The following PCSK5 variants were observed in gnomAD, a reference collection of about 807,000 sequenced individuals.
The protein encoded by PCSK5 is prohormone convertase 5.
Under a neutral mutation model 233.2 loss-of-function variants are expected in PCSK5, and 129 were observed. The observed-to-expected ratio is 0.55, with a 90% CI of 0.48 to 0.64. The LOEUF (loss-of-function observed/expected upper bound fraction) is 0.64, where lower values mean the gene tolerates loss of function less well. Ranked by LOEUF, PCSK5 falls within the 30% of genes least tolerant of loss-of-function variation. The pLI, the probability that PCSK5 is intolerant of heterozygous loss-of-function variation, is 0.00. For synonymous variants in PCSK5, 825 were observed against 879.2 expected, an observed-to-expected ratio of 0.94 and a Z score of 1.09; for missense variants, 2,076 against 2,430.1, an observed-to-expected ratio of 0.85 and a Z score of 3.06.
chr9:76,310,172 C>T (rs537830328), intron 29 of PCSK5, among the ~76,000 whole-genome samples: 3 of 151,242 alleles, frequency 2.0e-5, no homozygotes, highest in South Asian at 4.2e-4. Flanking sequence ...CGCTTGAACC[C>T]GGGAGGCGGA....
intron 5 of PCSK5, among the ~76,000 whole-genome samples, chr9:76,046,155 C>CTTTTTTTTT (rs1829362984): frequency 1.1e-4 from 6 of 55,702 alleles, no homozygotes; most frequent in East Asian, 5.5e-4. Flanking sequence ...ATAATTTTTT[C>CTTTTTTTTT]TTTTGTTTTT....
At chr9:76,269,845 G>T (rs983638864) in intron 24 of PCSK5, among the ~76,000 whole-genome samples, 1 of 152,186 alleles carries the variant, frequency 6.6e-6, no homozygotes, top group Admixed American at 6.6e-5. Context: ...TAGAGCAATA[G>T]GCCAAGGCTC....
At chr9:76,263,459 C>A (rs559616160) in intron 24 of PCSK5, among the ~76,000 whole-genome samples, 1 of 152,014 alleles carries the variant, frequency 6.6e-6, no homozygotes, top group African/African-American at 2.4e-5. Context: ...TAAAAAATGA[C>A]GAGTTCGTGT....
intron 20 of PCSK5, among the ~76,000 whole-genome samples, chr9:76,199,093 A>G (rs1323104518): frequency 2.6e-5 from 4 of 152,212 alleles, no homozygotes; most frequent in African/African-American, 9.6e-5. Flanking sequence ...ACTTACAGCC[A>G]TTGTCACTTG....
At chr9:76,156,013 C>T (rs1295209260) in intron 10 of PCSK5, among the ~76,000 whole-genome samples, 2 of 152,084 alleles carry the variant, frequency 1.3e-5, no homozygotes, top group Non-Finnish European at 2.9e-5. Context: ...CTGAGCACAT[C>T]GCGACAATCA....
intron 5 of PCSK5, among the ~76,000 whole-genome samples, chr9:76,063,948 C>T (rs1388933294): frequency 2.1e-3 from 132 of 63,556 alleles, no homozygotes; most frequent in East Asian, 4.1e-3. Flanking sequence ...GGCGCCTGGC[C>T]GGGCGGAGGG....
intron 1 of PCSK5, among the ~76,000 whole-genome samples, chr9:75,891,820 T>C (rs1262021900): frequency 3.9e-5 from 6 of 151,952 alleles, no homozygotes; most frequent in Non-Finnish European, 8.8e-5. Flanking sequence ...GGAAAGCCTT[T>C]CCTGCTCGGA....
intron 20 of PCSK5, among the ~76,000 whole-genome samples, chr9:76,204,671 C>A (rs1024070103): frequency 1.3e-5 from 2 of 152,156 alleles, no homozygotes; most frequent in Non-Finnish European, 2.9e-5. Context: ...AGCATGAGGG[C>A]AGGAGTGCAT....
intron 5 of PCSK5, among the ~76,000 whole-genome samples, chr9:76,056,641 G>A (rs188634627): frequency 2.7e-4 from 41 of 152,330 alleles, no homozygotes; most frequent in African/African-American, 9.1e-4. Flanking sequence ...AAGAAAGGCA[G>A]TAGAACAAGG....
intron 1 of PCSK5, among the ~76,000 whole-genome samples, chr9:75,906,112 A>C (rs1353373529): frequency 1.3e-5 from 2 of 152,188 alleles, no homozygotes; most frequent in Non-Finnish European, 2.9e-5. Context: ...AAATTATTTC[A>C]AATTATGATA....
rs1452188026 is a variant in PCSK5, at chr9:76,023,803, C to G, written c.477C>G (p.Gly159=). 6.2e-7 allele frequency: 1 copy of G among 1,613,350 alleles called. No homozygotes were observed. The stretch of plus-strand genomic sequence containing the variant: ...ATATCGAAGGAGCCTGGAAGAGAGG[C>G]TACACGGGAAAGAACATTGTGGTCA... ...DMNIEGAWKR[G]YTGKNIVVTI... Residue 159 remains glycine, a synonymous_variant, in exon 4 of 38, where the codon GGC becomes GGG. Transcript: ENST00000674117.
chr9:76,295,516 G>A, intron 26 of PCSK5, 105 bp downstream of exon 26: 1 of 991,646 alleles, frequency 1.0e-6, no homozygotes, highest in South Asian at 1.6e-5. Context: ...GTCTGTGCGT[G>A]TGGGCACCTC....
At chr9:76,321,860 C>T (rs1806665) in intron 31 of PCSK5, among the ~76,000 whole-genome samples, 52,529 of 152,032 alleles carry the variant, frequency 0.35, 9,479 homozygotes, top group African/African-American at 0.43. Flanking sequence ...TTTGCATGAT[C>T]TCTTACACTC....
In PCSK5 at chr9:76,296,842, AG is replaced by A; in HGVS notation, c.3502del (p.Glu1168ArgfsTer18). 6.2e-7 allele frequency: 1 copy of A among 1,611,176 alleles called. No individual in the cohort carries two copies. The highest frequency in any genetic ancestry group is 8.5e-7 in the Non-Finnish European group (1 of 1,179,386). On this transcript the variant is annotated frameshift_variant, in exon 27 of 38. Coordinates refer to ENST00000674117, the MANE Select transcript of PCSK5 (RefSeq NM_001372043.1). LOFTEE classifies it high-confidence loss of function. ...RGMCVHATKT[Q>X]EEGKFWNEAV... ...ATGTGCGTGCATGCCACCAAGACCCAGGAGGAGGGCAAATTCTGGAATGGTA... is the reference window on the plus strand; with the variant it reads ...ATGTGCGTGCATGCCACCAAGACCCAGAGGAGGGCAAATTCTGGAATGGTA...
chr9:76,198,097 T>C (rs1272347894), intron 20 of PCSK5, among the ~76,000 whole-genome samples: 1 of 152,208 alleles, frequency 6.6e-6, no homozygotes, highest in East Asian at 1.9e-4. Context: ...CCTCACTACG[T>C]TTCAGCGGAC....
At chr9:75,915,858 T>C (rs1304770437) in intron 1 of PCSK5, among the ~76,000 whole-genome samples, 1 of 152,216 alleles carries the variant, frequency 6.6e-6, no homozygotes, top group Non-Finnish European at 1.5e-5. Context: ...CAACAGTAAG[T>C]ACTTAGGAAT....
intron 9 of PCSK5, among the ~76,000 whole-genome samples, chr9:76,131,004 G>A (rs1822743127): frequency 6.6e-6 from 1 of 152,102 alleles, no homozygotes; most frequent in Admixed American, 6.6e-5. Flanking sequence ...GTTTTCAGAG[G>A]CCACTGGAGT....
chr9:76,234,849 G>T (rs2131321196), intron 22 of PCSK5, among the ~76,000 whole-genome samples: 1 of 152,294 alleles, frequency 6.6e-6, no homozygotes, highest in South Asian at 2.1e-4. Context: ...GAGCATTTGA[G>T]TTTCTCTTGC....
chr9:75,917,269 G>A (rs1405686709), intron 1 of PCSK5, among the ~76,000 whole-genome samples: 3 of 152,034 alleles, frequency 2.0e-5, no homozygotes, highest in Non-Finnish European at 4.4e-5. Flanking sequence ...CACATGGCCT[G>A]ATGAGTTATT....
Sources: allele counts gnomAD v4.1 joint callset (sites outside exome capture counted in the v4.1 genomes callset), GRCh38; gene constraint gnomAD v4.1.1; transcripts MANE v1.5; gene names NCBI Gene and HGNC (gene_info 2026-07-23, HGNC 2026-07-21).